Variants in CSMD1 observed in about 807,000 individuals in gnomAD.
CSMD1 encodes the protein CUB and Sushi multiple domains 1.
A neutral mutation model predicts 417.5 loss-of-function variants in CSMD1; 213 were observed. That is an observed-to-expected ratio of 0.51 (90% CI 0.46 to 0.57). The LOEUF (loss-of-function observed/expected upper bound fraction) is 0.57, where lower values mean the gene tolerates loss of function less well. Ranked by LOEUF, CSMD1 falls within the 20% of genes least tolerant of loss-of-function variation. The pLI, the probability that CSMD1 is intolerant of heterozygous loss-of-function variation, is 0.00. For missense variants in CSMD1, 6,923 were observed against 4,529.7 expected (o/e 1.53, Z -15.17); for synonymous variants, 2,862 against 1,736.8 (o/e 1.65, Z -16.11).
chr8:3,031,103 T>TA (rs1439385806), intron 50 of CSMD1, among the ~76,000 whole-genome samples: 1 of 152,044 alleles, frequency 6.6e-6, no homozygotes, highest in Admixed American at 6.6e-5. Flanking sequence ...AAAATACTCT[T>TA]ACAATTTCTA....
intron 69 of CSMD1, among the ~76,000 whole-genome samples, chr8:2,941,989 T>C (rs1417987720): frequency 6.6e-6 from 1 of 152,258 alleles, no homozygotes; most frequent in East Asian, 1.9e-4. Context: ...CAGTCATTTA[T>C]TCTCTTATTT....
At chr8:4,210,316 G>C (rs887595493) in intron 3 of CSMD1, among the ~76,000 whole-genome samples, 1 of 152,196 alleles carries the variant, frequency 6.6e-6, no homozygotes, top group African/African-American at 2.4e-5. Context: ...TCCATGTCAA[G>C]TGTGGGATTG....
At chr8:3,152,679 T>G (rs1222876920) in intron 39 of CSMD1, among the ~76,000 whole-genome samples, 1 of 152,238 alleles carries the variant, frequency 6.6e-6, no homozygotes, top group Non-Finnish European at 1.5e-5. Flanking sequence ...TAAAAGTATA[T>G]TTTTGTGGTG....
intron 3 of CSMD1, among the ~76,000 whole-genome samples, chr8:4,169,296 C>T (rs1014244925): frequency 6.6e-6 from 1 of 152,172 alleles, no homozygotes; most frequent in Admixed American, 6.5e-5. Context: ...AAAGGCAACT[C>T]CTGATCCTTC....
intron 41 of CSMD1, among the ~76,000 whole-genome samples, chr8:3,130,936 G>A (rs894631934): frequency 1.3e-5 from 2 of 152,118 alleles, no homozygotes; most frequent in East Asian, 1.9e-4. Context: ...TATCTACATT[G>A]TACCAGATTA....
At chr8:3,929,398 A>G (rs1322276357) in intron 5 of CSMD1, among the ~76,000 whole-genome samples, 2 of 150,540 alleles carry the variant, frequency 1.3e-5, no homozygotes, top group African/African-American at 4.9e-5. Context: ...GCCAAGGGTG[A>G]CAATGTAATT....
In CSMD1 at chr8:4,037,967, A is replaced by G. The variant is rs534652521; in HGVS notation, c.416-5868T>C. Among the ~76,000 whole-genome samples, 404 of 152,306 alleles carry G rather than the reference A, an allele frequency of 2.7e-3. 1 individual carries two copies. The highest frequency in any genetic ancestry group is 9.3e-3 in the African/African-American group (387 of 41,580). On this transcript the variant is annotated intron_variant, in intron 3 of 69. Transcript: ENST00000635120. The stretch of plus-strand genomic sequence containing the variant: ...CAGTTGGACAAAATGTTATTTTAGA[A>G]ACAATGAATCAAAAAATAATGTATA...
chr8:3,538,837 G>A (rs1284871447), intron 10 of CSMD1, among the ~76,000 whole-genome samples: 1 of 152,110 alleles, frequency 6.6e-6, no homozygotes, highest in Non-Finnish European at 1.5e-5. Flanking sequence ...CTCTCACCTG[G>A]AGTGCTGCTG....
In CSMD1 at chr8:3,142,662, T is replaced by C. The variant is rs1818577064; in HGVS notation, c.6044A>G (p.Gln2015Arg). 1 of 1,612,534 alleles carries C rather than the reference T, an allele frequency of 6.2e-7. No homozygotes were observed. Among genetic ancestry groups the C allele is most frequent in the Non-Finnish European group, 8.5e-7 (1 of 1,178,586 alleles). Residue 2015 changes from glutamine (Q) to arginine (R), a missense_variant, in exon 41 of 70, where the codon CAG becomes CGG. By Grantham distance (43) the Gln-to-Arg change is conservative (BLOSUM62 1). Transcript: ENST00000635120. ...AGCTTCGGTAGAAAAATTCAGAAACTGAATATGTGCACCTATGGAAAAACA... is the reference window on the plus strand; with the variant it reads ...AGCTTCGGTAGAAAAATTCAGAAACCGAATATGTGCACCTATGGAAAAACA... ...SLPIGYGAHI[Q>R]FLNFSTEANH... is the part of the protein sequence containing the mutation.
intron 5 of CSMD1, among the ~76,000 whole-genome samples, chr8:3,775,661 G>A (rs1212211998): frequency 1.3e-5 from 2 of 152,276 alleles, no homozygotes; most frequent in African/African-American, 2.4e-5. Context: ...AGATTGTCGG[G>A]GAGAGAGCCC....
intron 2 of CSMD1, among the ~76,000 whole-genome samples, chr8:4,604,753 C>A (rs1423755684): frequency 6.6e-6 from 1 of 152,216 alleles, no homozygotes; most frequent in East Asian, 1.9e-4. Context: ...ATATTGTTTG[C>A]AGTTAATTTT....
intron 5 of CSMD1, among the ~76,000 whole-genome samples, chr8:3,977,963 C>G (rs535812681): frequency 6.6e-6 from 1 of 152,184 alleles, no homozygotes; most frequent in Non-Finnish European, 1.5e-5. Flanking sequence ...CTGCCTTTTA[C>G]GTGTCCATCT....
At chr8:3,936,295 A>AG (rs1340471025) in intron 5 of CSMD1, among the ~76,000 whole-genome samples, 1 of 152,224 alleles carries the variant, frequency 6.6e-6, no homozygotes, top group African/African-American at 2.4e-5. Flanking sequence ...TCAGTGACGA[A>AG]GGTGGCTACA....
At chr8:3,384,097 C>T (rs1478336908) in intron 18 of CSMD1, among the ~76,000 whole-genome samples, 3 of 152,022 alleles carry the variant, frequency 2.0e-5, no homozygotes, top group Non-Finnish European at 4.4e-5. Flanking sequence ...TGGAAAAGTT[C>T]GTTTAGTGAC....
intron 1 of CSMD1, among the ~76,000 whole-genome samples, chr8:4,918,056 G>C (rs1432089318): frequency 6.6e-6 from 1 of 151,858 alleles, no homozygotes; most frequent in Non-Finnish European, 1.5e-5. Context: ...GATGTTTAAA[G>C]TCTTATTTCT....
chr8:3,269,354 C>T (rs1158500436), intron 26 of CSMD1, among the ~76,000 whole-genome samples: 1 of 152,208 alleles, frequency 6.6e-6, no homozygotes, highest in Non-Finnish European at 1.5e-5. Flanking sequence ...TCTTGTGCTG[C>T]CCTTCATAGG....
At chr8:4,467,492 G>T (rs74811751) in intron 2 of CSMD1, among the ~76,000 whole-genome samples, 1 of 152,150 alleles carries the variant, frequency 6.6e-6, no homozygotes, top group South Asian at 2.1e-4. Flanking sequence ...GTGGCCAGAG[G>T]ATAGAGTTCT....
intron 3 of CSMD1, among the ~76,000 whole-genome samples, chr8:4,190,429 A>C (rs973553140): frequency 6.6e-6 from 1 of 152,116 alleles, no homozygotes; most frequent in Non-Finnish European, 1.5e-5. Flanking sequence ...AACGCTCATT[A>C]ATGTGAATTG....
chr8:4,059,746 G>T (rs552463530), intron 3 of CSMD1, among the ~76,000 whole-genome samples: 26 of 152,132 alleles, frequency 1.7e-4, no homozygotes, highest in African/African-American at 6.0e-4. Flanking sequence ...AAACCAGGAA[G>T]AAGTTGAATC....
Sources: allele counts gnomAD v4.1 joint callset (sites outside exome capture counted in the v4.1 genomes callset), GRCh38; gene constraint gnomAD v4.1.1; transcripts MANE v1.5; gene names NCBI Gene and HGNC (gene_info 2026-07-23, HGNC 2026-07-21).